The following DLG2 variants were observed in gnomAD, a reference collection of about 807,000 sequenced individuals.
DLG2 encodes the protein disks large homolog 2.
A neutral mutation model predicts 132.5 loss-of-function variants in DLG2; 45 were observed. The ratio of observed to expected loss-of-function variants is 0.34; its 90% confidence interval spans 0.27 to 0.44. DLG2 has a LOEUF of 0.44. Among genes scored for constraint, DLG2 ranks in the 20% least tolerant of loss-of-function variants. The probability of loss-of-function intolerance (pLI) is 1.00; values close to 1 mark genes in which losing one functional copy is unlikely to be tolerated. For synonymous variants in DLG2, 424 were observed against 419.6 expected (o/e 1.01, Z -0.13); for missense variants, 1,045 against 1,196.9 (o/e 0.87, Z 1.87).
At chr11:83,485,294 A>G (rs555175974) in intron 21 of DLG2, among the ~76,000 whole-genome samples, 1 of 152,304 alleles carries the variant, frequency 6.6e-6, no homozygotes, top group East Asian at 1.9e-4. Context: ...AATTCCATTA[A>G]TTCCACTGCT....
chr11:84,912,803 A>G (rs1388858101), intron 6 of DLG2, among the ~76,000 whole-genome samples: 1 of 152,196 alleles, frequency 6.6e-6, no homozygotes, highest in African/African-American at 2.4e-5. Flanking sequence ...GTAATGATGG[A>G]AAGTGACTGA....
intron 3 of DLG2, among the ~76,000 whole-genome samples, chr11:85,348,697 A>G (rs2083053094): frequency 6.6e-6 from 1 of 152,066 alleles, no homozygotes; most frequent in Admixed American, 6.5e-5. Flanking sequence ...TAAAATTCTC[A>G]TTGAATAGTG....
At chr11:84,091,952 G>GC (rs1289488885) in intron 10 of DLG2, among the ~76,000 whole-genome samples, 1 of 152,160 alleles carries the variant, frequency 6.6e-6, no homozygotes, top group Non-Finnish European at 1.5e-5. Context: ...TTACTACACA[G>GC]CCCCCCATAG....
At chr11:83,917,235 G>A (rs914581335) in intron 15 of DLG2, among the ~76,000 whole-genome samples, 2 of 152,078 alleles carry the variant, frequency 1.3e-5, no homozygotes, top group African/African-American at 4.8e-5. Flanking sequence ...CCTTTTGCAG[G>A]TCTTAATTTG....
chr11:83,927,329 AT>A (rs1378183511), intron 15 of DLG2, among the ~76,000 whole-genome samples: 2 of 152,184 alleles, frequency 1.3e-5, no homozygotes, highest in African/African-American at 4.8e-5. Context: ...ATGTACAATT[AT>A]AAATTGCTTG....
intron 3 of DLG2, among the ~76,000 whole-genome samples, chr11:85,464,651 G>C (rs961468174): frequency 3.3e-5 from 5 of 151,946 alleles, no homozygotes; most frequent in African/African-American, 9.7e-5. Context: ...ATGACCCCTG[G>C]GCAGTAAAGG....
intron 6 of DLG2, among the ~76,000 whole-genome samples, chr11:84,643,773 C>G (rs58235443): frequency 0.15 from 23,477 of 152,152 alleles, 2,256 homozygotes; most frequent in African/African-American, 0.27. Flanking sequence ...AATGCCCCTG[C>G]AGCCAATGGG....
chr11:84,844,171 A>G (rs1448128534), intron 6 of DLG2, among the ~76,000 whole-genome samples: 9 of 129,310 alleles, frequency 7.0e-5, no homozygotes, highest in Admixed American at 8.3e-5. Context: ...ATATATATAT[A>G]TGTATCTCCC....
Position 85,542,613 on chromosome 11 carries a change from T to C in DLG2, c.40+56044A>G, listed in dbSNP as rs116058442. ...ATACAAAGAATCCTGACTTGTTGGC[T>C]CTGGGTTTTAAAGGAGATTTTAATA... On this transcript the variant is annotated intron_variant, in intron 3 of 27. Transcript: ENST00000376104. Among the ~76,000 whole-genome samples the C allele has an allele frequency of 2.2e-3, 328 of 152,324 alleles. 1 individual carries two copies. The highest frequency in any genetic ancestry group is 7.6e-3 in the African/African-American group (315 of 41,582).
At chr11:84,809,148 G>A (rs773156444) in intron 6 of DLG2, among the ~76,000 whole-genome samples, 14 of 151,834 alleles carry the variant, frequency 9.2e-5, no homozygotes, top group Admixed American at 3.9e-4. Context: ...AAATCAATCC[G>A]TGTACTCAAC....
chr11:84,738,425 A>G (rs534886457), intron 6 of DLG2, among the ~76,000 whole-genome samples: 7 of 152,162 alleles, frequency 4.6e-5, no homozygotes, highest in Admixed American at 3.3e-4. Context: ...AAATCTAAGG[A>G]CATAACAACA....
intron 6 of DLG2, among the ~76,000 whole-genome samples, chr11:84,749,558 A>C (rs1208435653): frequency 6.6e-6 from 1 of 152,166 alleles, no homozygotes; most frequent in Non-Finnish European, 1.5e-5. Flanking sequence ...GTCAAGGAGC[A>C]GTGGGTCATA....
chr11:84,891,431 AT>A lies in DLG2; in HGVS notation c.357+220229del, dbSNP rs1314497104. On this transcript the variant is annotated intron_variant, in intron 6 of 27. Transcript: ENST00000376104. ...ATATGCTATTAACTGACATTTAAAAATATATACAAAGTAATGGTAAAGGAAG... is the reference window on the plus strand; with the variant it reads ...ATATGCTATTAACTGACATTTAAAAAATATACAAAGTAATGGTAAAGGAAG... 1.7e-4 allele frequency among the ~76,000 whole-genome samples: 26 copies of A among 152,308 alleles called. 2 individuals carry two copies. The highest frequency in any genetic ancestry group is 6.3e-4 in the African/African-American group (26 of 41,588).
intron 3 of DLG2, among the ~76,000 whole-genome samples, chr11:85,406,177 G>T (rs1410864739): frequency 6.6e-6 from 1 of 151,500 alleles, no homozygotes; most frequent in Non-Finnish European, 1.5e-5. Context: ...GTTTATTCAG[G>T]AGACCATTAG....
intron 11 of DLG2, among the ~76,000 whole-genome samples, chr11:84,009,183 G>C (rs1479888043): frequency 1.3e-5 from 2 of 151,574 alleles, no homozygotes; most frequent in Non-Finnish European, 2.9e-5. Flanking sequence ...TACCATTTTG[G>C]TCCTGATTCA....
At chr11:84,812,003 G>C (rs1195389920) in intron 6 of DLG2, among the ~76,000 whole-genome samples, 2 of 152,034 alleles carry the variant, frequency 1.3e-5, no homozygotes, top group African/African-American at 2.4e-5. Flanking sequence ...CCCCAGAACT[G>C]AGCTTATTTA....
At chr11:85,099,451 C>T (rs2152267547) in intron 6 of DLG2, among the ~76,000 whole-genome samples, 1 of 152,250 alleles carries the variant, frequency 6.6e-6, no homozygotes, top group Non-Finnish European at 1.5e-5. Context: ...CCTTGAATTT[C>T]TAGCTTTGAT....
intron 3 of DLG2, among the ~76,000 whole-genome samples, chr11:85,550,084 T>A (rs1264386977): frequency 1.3e-5 from 2 of 152,254 alleles, no homozygotes; most frequent in East Asian, 3.8e-4. Context: ...GCTTTCATAT[T>A]ACTCTATGGA....
chr11:85,616,500 G>A (rs769487174), intron 2 of DLG2, among the ~76,000 whole-genome samples: 1 of 151,842 alleles, frequency 6.6e-6, no homozygotes, highest in Non-Finnish European at 1.5e-5. Context: ...TCATTCCAGC[G>A]ACAACTGGTT....
Sources: gnomAD v4.1 joint callset for allele counts (sites outside exome capture counted in the v4.1 genomes callset) on GRCh38, gnomAD v4.1.1 for gene constraint, MANE v1.5 for transcripts, NCBI Gene and HGNC (gene_info 2026-07-23, HGNC 2026-07-21) for gene names.